Variants in DEFB124 observed in about 807,000 individuals in gnomAD.
DEFB124 encodes the protein defensin beta 124.
For synonymous variants in DEFB124, 38 were observed against 36.5 expected, an observed-to-expected ratio of 1.04 and a Z score of -0.15; for missense variants, 78 against 83.1, an observed-to-expected ratio of 0.94 and a Z score of 0.24.
chr20:31,465,781 T>C (rs1247364328), intron 2 of DEFB124, 118 bp from the exon 3 acceptor site: 2 of 1,214,110 alleles, frequency 1.6e-6, no homozygotes, highest in Non-Finnish European at 2.3e-6. Flanking sequence ...TCTGGTCTTC[T>C]GTTAGATCAC....
intron 2 of DEFB124, among the ~76,000 whole-genome samples, chr20:31,471,314 GACCCCCCCC>G (rs1568758259): frequency 4.0e-5 from 4 of 100,016 alleles, no homozygotes; most frequent in Non-Finnish European, 8.0e-5. Flanking sequence ...GCGGGGGGCT[GACCCCCCCC>G]ACCTCCCTCC....
At chr20:31,470,198 C>T (rs1336712813) in intron 2 of DEFB124, among the ~76,000 whole-genome samples, 3 of 145,296 alleles carry the variant, frequency 2.1e-5, no homozygotes, top group Admixed American at 6.7e-5. Flanking sequence ...GCTGGCCGGG[C>T]GGGGGGCTGA....
At position 31,465,600 on chromosome 20, in the gene DEFB124, T is replaced by C. The variant is rs1417974774; in HGVS notation, c.122A>G (p.Gln41Arg). ...CGGGCACAGGTGCATGTAAGTTTCT[T>C]GCCTTGTGCAGTAAGTTTGGCAGGC... ...QGACQTYCTR[Q>R]ETYMHLCPDA... The change falls in exon 3 of 3, where the codon CAA becomes CGA. Residue 41 changes from glutamine (Q) to arginine (R), a missense_variant. Coordinates refer to ENST00000317676, the MANE Select transcript of DEFB124 (RefSeq NM_001037500.2). The C allele has an allele frequency of 1.9e-6, 3 of 1,614,196 alleles. No homozygotes were observed. Among genetic ancestry groups the C allele is most frequent in the Non-Finnish European group, 2.5e-6 (3 of 1,180,040 alleles).
intron 2 of DEFB124, among the ~76,000 whole-genome samples, chr20:31,470,614 C>A (rs1158918979): frequency 1.5e-5 from 2 of 137,038 alleles, no homozygotes; most frequent in African/African-American, 2.7e-5. Flanking sequence ...TGACCCCCCC[C>A]CCCACCTCCC....
chr20:31,471,049 G>GA (rs1980270832), intron 2 of DEFB124, among the ~76,000 whole-genome samples: 1 of 132,460 alleles, frequency 7.5e-6, no homozygotes. Flanking sequence ...TGGCCGGGCG[G>GA]GGGGCTGACC....
At chr20:31,471,090 AC>A (rs556106256) in intron 2 of DEFB124, among the ~76,000 whole-genome samples, 791 of 73,098 alleles carry the variant, frequency 0.011, 9 homozygotes, top group Non-Finnish European at 0.015. Context: ...CGTGGGGCTG[AC>A]CCCCCCACCT....
chr20:31,472,557 A>C, intron 2 of DEFB124: 1 of 175,088 alleles, frequency 5.7e-6, no homozygotes, highest in Non-Finnish European at 1.2e-5. Flanking sequence ...TGCACACACC[A>C]CTCTAACCCC....
At chr20:31,470,259 C>T (rs1202289104) in intron 2 of DEFB124, among the ~76,000 whole-genome samples, 5 of 124,178 alleles carry the variant, frequency 4.0e-5, no homozygotes, top group East Asian at 5.3e-4. Context: ...GGGGGCTGAC[C>T]CCCCCACCTC....
At chr20:31,470,592 C>G (rs1286787942) in intron 2 of DEFB124, among the ~76,000 whole-genome samples, 1 of 112,314 alleles carries the variant, frequency 8.9e-6, no homozygotes, top group Non-Finnish European at 1.8e-5. Context: ...GGCGGCTGGC[C>G]GGGCGGGGGG....
intron 2 of DEFB124, among the ~76,000 whole-genome samples, chr20:31,468,245 T>A (rs1980131529): frequency 6.6e-6 from 1 of 152,218 alleles, no homozygotes. Context: ...TCCATCACCC[T>A]GCCTCAGGGC....
At chr20:31,470,510 A>G (rs1980224741) in intron 2 of DEFB124, among the ~76,000 whole-genome samples, 1 of 122,354 alleles carries the variant, frequency 8.2e-6, no homozygotes. Context: ...GCGGCTGGGC[A>G]GAGGCGCCCC....
At chr20:31,471,808 G>A (rs998688071) in intron 2 of DEFB124, among the ~76,000 whole-genome samples, 2 of 147,920 alleles carry the variant, frequency 1.4e-5, no homozygotes, top group East Asian at 2.0e-4. Flanking sequence ...GACGATGGGC[G>A]GCCGGGCAGA....
chr20:31,473,070 A>C, intron 1 of DEFB124, 32 bp from the exon 2 acceptor site: 3 of 1,594,956 alleles, frequency 1.9e-6, no homozygotes, highest in Non-Finnish European at 2.6e-6. Context: ...AGACCCGAGC[A>C]GGCTGAGCCT....
intron 2 of DEFB124, among the ~76,000 whole-genome samples, chr20:31,470,825 C>CAG (rs1980252663): frequency 7.4e-6 from 1 of 134,288 alleles, no homozygotes; most frequent in Non-Finnish European, 1.6e-5. Context: ...GCTGGCCGGG[C>CAG]GGGGTGCTGA....
chr20:31,471,610 G>T (rs1448567379), intron 2 of DEFB124, among the ~76,000 whole-genome samples: 1 of 147,206 alleles, frequency 6.8e-6, no homozygotes, highest in Non-Finnish European at 1.5e-5. Flanking sequence ...CCCAGACGGG[G>T]TGGCTGCCGG....
rs1171248230 is a variant in DEFB124 at position 31,474,779 on chromosome 20, C to T, written c.-178G>A. Among the ~76,000 whole-genome samples, 4 of 152,224 alleles carry T rather than the reference C, an allele frequency of 2.6e-5. No individual in the cohort carries two copies. Among genetic ancestry groups the T allele is most frequent in the African/African-American group, 2.4e-5 (1 of 41,456 alleles). ...AATTCTTCAGTGCAGACTTCCTGAG[C>T]TCTCTCTTCCTCCAAGCCACCTCCC... On this transcript the variant is annotated 5_prime_UTR_variant, in exon 1 of 3. Transcript: ENST00000317676.
intron 2 of DEFB124, among the ~76,000 whole-genome samples, 157 bp from the exon 3 acceptor site, chr20:31,465,820 G>A (rs1307577403): frequency 1.3e-5 from 2 of 152,218 alleles, no homozygotes; most frequent in Non-Finnish European, 2.9e-5. Context: ...CTGATTACAA[G>A]TTAGGTTAGA....
chr20:31,469,316 G>A (rs531554484), intron 2 of DEFB124, among the ~76,000 whole-genome samples: 2 of 152,134 alleles, frequency 1.3e-5, no homozygotes, highest in East Asian at 1.9e-4. Flanking sequence ...CCAGCTACTC[G>A]GGAGGCTGAG....
intron 2 of DEFB124, among the ~76,000 whole-genome samples, chr20:31,469,326 G>T (rs956298249): frequency 1.3e-5 from 2 of 152,188 alleles, no homozygotes; most frequent in Non-Finnish European, 2.9e-5. Flanking sequence ...GGGAGGCTGA[G>T]GCAGGAGAAT....
Sources: gnomAD v4.1 joint callset for allele counts (sites outside exome capture counted in the v4.1 genomes callset) on GRCh38, gnomAD v4.1.1 for gene constraint, MANE v1.5 for transcripts, NCBI Gene and HGNC (gene_info 2026-07-23, HGNC 2026-07-21) for gene names.